The following MGA variants were observed in gnomAD, a reference collection of about 807,000 sequenced individuals.
MGA encodes MAX dimerization protein MGA, also known as MAX gene-associated protein.
Under a neutral mutation model 261.1 loss-of-function variants are expected in MGA, and 40 were observed. The ratio of observed to expected loss-of-function variants is 0.15; its 90% CI spans 0.12 to 0.20. MGA has a LOEUF of 0.20. Ranked by LOEUF, MGA falls within the 10% of genes least tolerant of loss-of-function variation. MGA has a pLI of 1.00. For missense variants in MGA, 3,397 were observed against 3,630.5 expected, an observed-to-expected ratio of 0.94 and a Z score of 1.65; for synonymous variants, 1,302 against 1,290.6, an observed-to-expected ratio of 1.01 and a Z score of -0.19.
chr15:41,708,052 T>C, intron 6 of MGA, 52 bp from the exon 7 acceptor site: 4 of 1,458,560 alleles, frequency 2.7e-6, no homozygotes, highest in Non-Finnish European at 3.7e-6. Flanking sequence ...ACTAGGTCCA[T>C]AATATTGGCC....
At chr15:41,623,728 CAA>C (rs1179458347) in intron 1 of MGA, among the ~76,000 whole-genome samples, 9 of 103,534 alleles carry the variant, frequency 8.7e-5, no homozygotes, top group Non-Finnish European at 1.0e-4. Flanking sequence ...ACTCCGTCTC[CAA>C]AAAAAAAAAA....
At chr15:41,631,512 T>C (rs2056587699) in intron 1 of MGA, among the ~76,000 whole-genome samples, 2 of 152,220 alleles carry the variant, frequency 1.3e-5, no homozygotes, top group East Asian at 3.9e-4. Context: ...TATGAAAACA[T>C]AGAAATGAAA....
rs998632665 is a variant in MGA, at chr15:41,713,489, A to G, written c.3423A>G (p.Leu1141=). 1.9e-6 allele frequency: 3 copies of G among 1,543,102 alleles called. No homozygotes were observed. Among genetic ancestry groups the G allele is most frequent in the Non-Finnish European group, 2.6e-6 (3 of 1,145,782 alleles). ...AAGAGAAAAAGAAGAGAAAGAAGCT[A>G]GAATACAGTGAGTATTAATTGAGAG... Residue 1141 remains leucine, a synonymous_variant, in exon 9 of 24, where the codon CTA becomes CTG. Coordinates refer to ENST00000219905, the MANE Select transcript of MGA (RefSeq NM_001164273.2).
chr15:41,697,018 T>G lies in MGA; in HGVS notation c.2008T>G (p.Ser670Ala). Residue 670 changes from serine (S) to alanine (A), a missense_variant, in exon 3 of 24, where the codon TCA (serine) becomes GCA (alanine). Transcript: ENST00000219905. Reference sequence around the variant, plus strand: ...TGGTGTTCTCTTTGTTTCCTTTGAATCAAAGGTAAGATTGTAATTTTCAGG... The same window carrying G: ...TGGTGTTCTCTTTGTTTCCTTTGAAGCAAAGGTAAGATTGTAATTTTCAGG... The G allele has an allele frequency of 6.5e-7, 1 of 1,541,366 alleles. No homozygotes were observed. Among genetic ancestry groups the G allele is most frequent in the Non-Finnish European group, 8.7e-7 (1 of 1,145,460 alleles).
At position 41,713,426 on chromosome 15, in the gene MGA, G is replaced by A. The variant is rs757616936; in HGVS notation, c.3360G>A (p.Glu1120=). The A allele has an allele frequency of 6.3e-7, 1 of 1,575,546 alleles. No individual in the cohort carries two copies. The highest frequency in any genetic ancestry group is 2.3e-5 in the East Asian group (1 of 43,062). Residue 1120 remains glutamate, a synonymous_variant, in exon 9 of 24, where the codon GAG becomes GAA. Coordinates refer to ENST00000219905, the MANE Select transcript of MGA (RefSeq NM_001164273.2). ...ATACTCTGGGAGAGGAGGCAAGGGAGGAGGAAGAAGGAATCAGGGAGGAGG... is the reference window on the plus strand; with the variant it reads ...ATACTCTGGGAGAGGAGGCAAGGGAAGAGGAAGAAGGAATCAGGGAGGAGG...
chr15:41,723,448 C>T (rs2061059481), intron 9 of MGA, among the ~76,000 whole-genome samples: 1 of 152,276 alleles, frequency 6.6e-6, no homozygotes, highest in East Asian at 1.9e-4. Context: ...GAGGGTCTTG[C>T]TCTGTCACCC....
intron 11 of MGA, among the ~76,000 whole-genome samples, chr15:41,732,119 A>G (rs533873195): frequency 6.2e-4 from 94 of 152,198 alleles, no homozygotes; most frequent in Non-Finnish European, 1.1e-3. Flanking sequence ...TTTATTTTAA[A>G]GAAAAAGCCC....
intron 5 of MGA, among the ~76,000 whole-genome samples, chr15:41,706,591 T>TG: frequency 6.6e-6 from 1 of 150,942 alleles, no homozygotes; most frequent in East Asian, 1.9e-4. Flanking sequence ...TTCCCTTTTT[T>TG]TTTTTTTGAG....
intron 5 of MGA, among the ~76,000 whole-genome samples, chr15:41,702,546 G>GCT (rs1370319936): frequency 1.3e-5 from 2 of 152,218 alleles, no homozygotes; most frequent in East Asian, 3.9e-4. Context: ...TTAGAAAATA[G>GCT]CAGTTAAACT....
rs1426863059 is a variant in MGA at position 41,766,247 on chromosome 15, A to G, written c.8165A>G (p.Asn2722Ser). 2.5e-6 allele frequency: 4 copies of G among 1,614,034 alleles called. No individual in the cohort carries two copies. Among genetic ancestry groups the G allele is most frequent in the Middle Eastern group, 3.3e-4 (2 of 6,062 alleles). The change falls in exon 24 of 24, where the codon AAC (asparagine) becomes AGC (serine). Residue 2722 changes from asparagine to serine, a missense_variant. By Grantham distance (46) the Asn-to-Ser change is conservative (BLOSUM62 1). Transcript: ENST00000219905. The stretch of plus-strand genomic sequence containing the variant: ...GGTCCAACGCAGGTTTTTCTGGCAA[A>G]CAAAGATTCTGGTTATCCACAAATA...
chr15:41,726,198 A>G (rs2061239924), intron 9 of MGA, among the ~76,000 whole-genome samples: 1 of 152,184 alleles, frequency 6.6e-6, no homozygotes, highest in Non-Finnish European at 1.5e-5. Flanking sequence ...GGAGCCAGAT[A>G]GACAGGGTTT....
intron 5 of MGA, among the ~76,000 whole-genome samples, chr15:41,699,528 T>G (rs2059726263): frequency 6.6e-6 from 1 of 152,234 alleles, no homozygotes; most frequent in Non-Finnish European, 1.5e-5. Flanking sequence ...AGACGGAGTT[T>G]CGCTCTGTCG....
chr15:41,691,851 C>T (rs961744055), intron 2 of MGA, among the ~76,000 whole-genome samples: 5 of 151,636 alleles, frequency 3.3e-5, no homozygotes, highest in African/African-American at 1.2e-4. Flanking sequence ...CAGTATTTTT[C>T]TCTTCATCTT....
chr15:41,680,323 TACTTA>T (rs2058600280), intron 2 of MGA, among the ~76,000 whole-genome samples: 1 of 152,262 alleles, frequency 6.6e-6, no homozygotes, highest in Non-Finnish European at 1.5e-5. Context: ...GTTACTAATC[TACTTA>T]ACTTTTCAGA....
At chr15:41,645,775 A>C (rs1323672282) in intron 1 of MGA, among the ~76,000 whole-genome samples, 1 of 152,158 alleles carries the variant, frequency 6.6e-6, no homozygotes, top group Non-Finnish European at 1.5e-5. Flanking sequence ...ATTCACTACA[A>C]CTTTGTATGG....
chr15:41,656,565 G>C (rs2057203152), upstream of MGA, among the ~76,000 whole-genome samples: 1 of 151,054 alleles, frequency 6.6e-6, no homozygotes, highest in Non-Finnish European at 1.5e-5. Context: ...TTGCCATGTT[G>C]CCCAGGCTGC....
rs923584221 is a variant in MGA at position 41,696,114 on chromosome 15, C to G, written c.1104C>G (p.Ala368=). The G allele has an allele frequency of 2.5e-6, 4 of 1,613,468 alleles. No homozygotes were observed. The highest frequency in any genetic ancestry group is 2.2e-5 in the East Asian group (1 of 44,888). ...GTTTTGAAGATGACTCCCGTGTAGC[C>G]TCACCGTTAGACCAGAACGGAAGCT... Residue 368 remains alanine (A), a synonymous_variant, in exon 3 of 24, where the codon GCC becomes GCG. Coordinates refer to ENST00000219905, the MANE Select transcript of MGA (RefSeq NM_001164273.2).
chr15:41,684,704 T>C (rs1266005573), intron 2 of MGA: 1 of 175,850 alleles, frequency 5.7e-6, no homozygotes, highest in East Asian at 1.6e-4. Context: ...ATGAGAGTTA[T>C]GTCTTGAAAT....
chr15:41,635,132 G>A (rs28526689), intron 1 of MGA, among the ~76,000 whole-genome samples: 42,345 of 151,398 alleles, frequency 0.28, 7,132 homozygotes, highest in Admixed American at 0.38. Context: ...TCAGGAGTTC[G>A]AGACCATCCT....
Sources: allele counts gnomAD v4.1 joint callset (sites outside exome capture counted in the v4.1 genomes callset), GRCh38; gene constraint gnomAD v4.1.1; transcripts MANE v1.5; gene names NCBI Gene and HGNC (gene_info 2026-07-23, HGNC 2026-07-21).